The following THSD4 variants were observed in gnomAD, a reference collection of about 807,000 sequenced individuals.
THSD4 encodes the protein thrombospondin type-1 domain-containing protein 4.
Under a neutral mutation model 119.0 loss-of-function variants are expected in THSD4, and 69 were observed. That is an observed-to-expected ratio of 0.58 (90% CI 0.48 to 0.71). The LOEUF is 0.71. Ranked by LOEUF, THSD4 falls within the 30% of genes least tolerant of loss-of-function variation. THSD4 has a pLI of 0.00. For missense variants in THSD4, 1,393 were observed against 1,391.1 expected (o/e 1.00, Z -0.02); for synonymous variants, 524 against 540.4 (o/e 0.97, Z 0.42).
intron 7 of THSD4, among the ~76,000 whole-genome samples, chr15:71,440,582 T>A (rs960811013): frequency 6.6e-6 from 1 of 152,234 alleles, no homozygotes; most frequent in Admixed American, 6.5e-5. Context: ...ATTGCCGTGT[T>A]CCTGCTTTTA....
chr15:71,269,582 A>G (rs1029119266), intron 6 of THSD4, among the ~76,000 whole-genome samples: 1 of 152,194 alleles, frequency 6.6e-6, no homozygotes, highest in African/African-American at 2.4e-5. Flanking sequence ...TTAACATAGT[A>G]CTGGAAGTTC....
At position 71,595,192 on chromosome 15, in the gene THSD4, T is replaced by C. The variant is rs2049885375; in HGVS notation, c.1153-65338T>C. ...GTGATTGCTGGAAAGGTACTATGAG[T>C]GGACAGGCCTGGAAGTCAGACACTG... On this transcript the variant is annotated intron_variant, in intron 7 of 17. Transcript: ENST00000261862. Among the ~76,000 whole-genome samples the C allele has an allele frequency of 2.0e-5, 3 of 152,104 alleles. No individual in the cohort carries two copies. The South Asian group carries it at 6.2e-4, about 32-fold the overall frequency.
chr15:71,448,894 C>T (rs1297678106), intron 7 of THSD4, among the ~76,000 whole-genome samples: 4 of 152,176 alleles, frequency 2.6e-5, no homozygotes, highest in Non-Finnish European at 5.9e-5. Flanking sequence ...ATAGGTGGCT[C>T]CCAGGCATGG....
chr15:71,561,909 C>A lies in THSD4; in HGVS notation c.1153-98621C>A, dbSNP rs1393377404. Reference sequence around the variant, plus strand: ...ACACACACACACACACACACACACACACACACACACAAACACTCACTCACT... The same window carrying A: ...ACACACACACACACACACACACACAAACACACACACAAACACTCACTCACT... On this transcript the variant is annotated intron_variant, in intron 7 of 17. Coordinates refer to ENST00000261862, the MANE Select transcript of THSD4 (RefSeq NM_024817.3). 3.2e-3 allele frequency among the ~76,000 whole-genome samples: 124 copies of A among 38,992 alleles called. 1 individual carries two copies. Among genetic ancestry groups the A allele is most frequent in the African/African-American group, 0.014 (118 of 8,342 alleles). 25.6% of individuals were successfully genotyped at this position (38,992 alleles called of 152,430 possible). A position where few individuals can be genotyped will look rare whatever the true frequency, so the allele number is the denominator to read the frequency against.
intron 7 of THSD4, among the ~76,000 whole-genome samples, chr15:71,553,950 T>C (rs2048973846): frequency 6.6e-6 from 1 of 152,130 alleles, no homozygotes; most frequent in African/African-American, 2.4e-5. Flanking sequence ...TCTTTTTAAA[T>C]AAGTGTTATT....
At chr15:71,159,066 T>C (rs920574033) in intron 3 of THSD4, among the ~76,000 whole-genome samples, 3 of 152,202 alleles carry the variant, frequency 2.0e-5, no homozygotes, top group African/African-American at 7.2e-5. Flanking sequence ...CCAGCATTAT[T>C]TATTGAAGAG....
At chr15:71,447,890 C>T (rs887970240) in intron 7 of THSD4, among the ~76,000 whole-genome samples, 1 of 152,158 alleles carries the variant, frequency 6.6e-6, no homozygotes, top group Admixed American at 6.5e-5. Flanking sequence ...TGAACACATC[C>T]TGGCTCTTCC....
chr15:71,301,387 A>G lies in THSD4; in HGVS notation c.1015+44672A>G, dbSNP rs74363599. On this transcript the variant is annotated intron_variant, in intron 6 of 17. Transcript: ENST00000261862. ...TCCGTGATTTTTCACGGCTCCAAGT[A>G]TCTCATTTATATTTATCATAATATA... Among the ~76,000 whole-genome samples the G allele has an allele frequency of 8.6e-3, 1,313 of 152,264 alleles. 35 individuals are homozygous for G. In the South Asian group the frequency reaches 0.093, roughly 11 times the overall value.
At chr15:71,542,568 GA>G (rs35178547) in intron 7 of THSD4, among the ~76,000 whole-genome samples, 1 of 151,668 alleles carries the variant, frequency 6.6e-6, no homozygotes, top group African/African-American at 2.4e-5. Flanking sequence ...GTCTAATCAT[GA>G]AAAAAACGTT....
At chr15:71,251,720 G>T (rs1317634449) in intron 5 of THSD4, among the ~76,000 whole-genome samples, 1 of 152,154 alleles carries the variant, frequency 6.6e-6, no homozygotes, top group Admixed American at 6.5e-5. Context: ...AGATGATGCT[G>T]TCCGTCTCCT....
At chr15:71,299,764 C>T (rs1364081341) in intron 6 of THSD4, among the ~76,000 whole-genome samples, 1 of 151,964 alleles carries the variant, frequency 6.6e-6, no homozygotes, top group Non-Finnish European at 1.5e-5. Context: ...AATCATTTTG[C>T]AATGTATACA....
chr15:71,222,674 C>T (rs567319744), intron 4 of THSD4, among the ~76,000 whole-genome samples: 21 of 152,242 alleles, frequency 1.4e-4, no homozygotes, highest in South Asian at 2.1e-4. Flanking sequence ...TTCCTATAGA[C>T]GTTTTTCTGT....
chr15:71,604,399 G>A (rs1337389474), intron 7 of THSD4, among the ~76,000 whole-genome samples: 3 of 152,196 alleles, frequency 2.0e-5, no homozygotes, highest in African/African-American at 7.2e-5. Context: ...CAGTTTTATC[G>A]TAATCCTTCC....
chr15:71,134,143 A>G (rs189860217), intron 1 of THSD4, among the ~76,000 whole-genome samples: 27 of 152,354 alleles, frequency 1.8e-4, no homozygotes, highest in Admixed American at 1.6e-3. Context: ...TGGATATGAC[A>G]GGAACAAAAA....
At chr15:71,376,198 C>T (rs2046134521) in intron 6 of THSD4, among the ~76,000 whole-genome samples, 1 of 152,146 alleles carries the variant, frequency 6.6e-6, no homozygotes, top group Non-Finnish European at 1.5e-5. Flanking sequence ...ACACCTCTTG[C>T]ATGTGCTGTC....
At chr15:71,680,389 C>A (rs1420345559) in intron 8 of THSD4, among the ~76,000 whole-genome samples, 1 of 152,172 alleles carries the variant, frequency 6.6e-6, no homozygotes, top group Admixed American at 6.6e-5. Flanking sequence ...TTTTAATTAT[C>A]CCTAACAAAT....
intron 7 of THSD4, among the ~76,000 whole-genome samples, chr15:71,472,306 TAA>T (rs2047591836): frequency 6.6e-6 from 1 of 152,220 alleles, no homozygotes; most frequent in Admixed American, 6.5e-5. Context: ...CTTATAAACT[TAA>T]GAGTCAAATA....
At chr15:71,341,809 T>C (rs2045582435) in intron 6 of THSD4, 3 of 745,736 alleles carry the variant, frequency 4.0e-6, no homozygotes, top group South Asian at 2.9e-5. Context: ...CTTCCTTCCT[T>C]CCTTTCCTTT....
intron 7 of THSD4, among the ~76,000 whole-genome samples, chr15:71,508,407 G>T (rs912751723): frequency 1.3e-5 from 2 of 152,202 alleles, no homozygotes; most frequent in Non-Finnish European, 2.9e-5. Flanking sequence ...TCTTCCCCAG[G>T]TTCAGATGGT....
Sources: gnomAD v4.1 joint callset for allele counts (sites outside exome capture counted in the v4.1 genomes callset) on GRCh38, gnomAD v4.1.1 for gene constraint, MANE v1.5 for transcripts, NCBI Gene and HGNC (gene_info 2026-07-23, HGNC 2026-07-21) for gene names.